CCDC85C: variants seen among roughly 807,000 people sequenced by gnomAD.
CCDC85C encodes coiled-coil domain-containing protein 85C.
Under a neutral mutation model 38.3 loss-of-function variants are expected in CCDC85C, and 18 were observed. The ratio of observed to expected loss-of-function variants is 0.47; its 90% CI spans 0.33 to 0.70. The LOEUF (loss-of-function observed/expected upper bound fraction) is 0.70. Ranked by LOEUF, CCDC85C falls within the 30% of genes least tolerant of loss-of-function variation. CCDC85C has a pLI of 0.03. For synonymous variants in CCDC85C, 264 were observed against 293.8 expected (o/e 0.90, Z 1.04); for missense variants, 566 against 621.2 (o/e 0.91, Z 0.94).
intron 2 of CCDC85C, among the ~76,000 whole-genome samples, chr14:99,525,020 C>A (rs1897356851): frequency 6.6e-6 from 1 of 152,208 alleles, no homozygotes; most frequent in South Asian, 2.1e-4. Flanking sequence ...TCCACCCTGG[C>A]CAGGCCCAAT....
chr14:99,532,948 A>G (rs1486592221), intron 2 of CCDC85C, among the ~76,000 whole-genome samples: 4 of 151,778 alleles, frequency 2.6e-5, no homozygotes, highest in Non-Finnish European at 5.9e-5. Context: ...TGCAAGGCTA[A>G]TTTTTGTATT....
At chr14:99,571,978 C>T (rs564642107) in intron 1 of CCDC85C, among the ~76,000 whole-genome samples, 12 of 152,202 alleles carry the variant, frequency 7.9e-5, no homozygotes, top group Non-Finnish European at 1.2e-4. Flanking sequence ...CTGGAGGGGA[C>T]AAGGAGTGAG....
intron 5 of CCDC85C, 22 bp from the exon 6 acceptor site, chr14:99,515,357 G>A (rs963329700): frequency 6.5e-7 from 1 of 1,537,442 alleles, no homozygotes; most frequent in South Asian, 1.2e-5. Flanking sequence ...AGAGAGATGT[G>A]AGTGGTGGGA....
At chr14:99,524,455 G>A (rs910013831) in intron 2 of CCDC85C, among the ~76,000 whole-genome samples, 3 of 152,186 alleles carry the variant, frequency 2.0e-5, no homozygotes. Flanking sequence ...TTCCCTGGGA[G>A]GAGATGTGTG....
At position 99,548,657 on chromosome 14, in the gene CCDC85C, A is replaced by C. The variant is rs932480721; in HGVS notation, c.794-12569T>G. Among the ~76,000 whole-genome samples the C allele has an allele frequency of 1.5e-4, 23 of 152,134 alleles. No individual in the cohort carries two copies. Among genetic ancestry groups the C allele is most frequent in the Admixed American group, 3.3e-4 (5 of 15,264 alleles). On this transcript the variant is annotated intron_variant, in intron 1 of 5. Coordinates refer to ENST00000380243, the MANE Select transcript of CCDC85C (RefSeq NM_001144995.2). The surrounding 1 kb of genome is among the most constrained non-coding windows in gnomAD (Gnocchi z 4.9). ...CAACAATGAAATACTGTAGCGAGAT[A>C]AAAATGAACAAACAAGAGCCAGGCA...
At chr14:99,528,369 C>T (rs962074324) in intron 2 of CCDC85C, among the ~76,000 whole-genome samples, 2 of 152,210 alleles carry the variant, frequency 1.3e-5, no homozygotes, top group Admixed American at 6.5e-5. Context: ...TCAGCTGAGC[C>T]GGAGTGGTTT....
Position 99,572,874 on chromosome 14 carries a change from T to A in CCDC85C, c.793+30293A>T. The A allele has an allele frequency of 1.1e-5, 5 of 454,624 alleles. No homozygotes were observed. Among genetic ancestry groups the A allele is most frequent in the South Asian group, 7.8e-5 (5 of 64,460 alleles). The allele number at this position is 454,624 out of a possible 1,614,324, so 28.2% of individuals were successfully genotyped here. ...GCTCAGTAAACGGCTAAGGAAGGAA[T>A]GTCTGCCCAAGTCCCAGGCAGGGTG... is the stretch of plus-strand genomic sequence containing the variant. On this transcript the variant is annotated intron_variant, in intron 1 of 5. Coordinates refer to ENST00000380243, the MANE Select transcript of CCDC85C (RefSeq NM_001144995.2). The surrounding 1 kb of genome is among the most constrained non-coding windows in gnomAD (Gnocchi z 4.4).
chr14:99,538,418 A>G (rs550221821), intron 1 of CCDC85C, among the ~76,000 whole-genome samples: 1 of 152,336 alleles, frequency 6.6e-6, no homozygotes, highest in East Asian at 1.9e-4. Context: ...CAGCACGGCC[A>G]CAGGGCCCCT....
At chr14:99,596,134 A>G (rs2055140918) in intron 1 of CCDC85C, among the ~76,000 whole-genome samples, 1 of 152,208 alleles carries the variant, frequency 6.6e-6, no homozygotes, top group African/African-American at 2.4e-5. Context: ...AAGTTTGCTC[A>G]GGGGTTTCCG....
chr14:99,575,223 G>A (rs970042162), intron 1 of CCDC85C, among the ~76,000 whole-genome samples: 12 of 152,200 alleles, frequency 7.9e-5, no homozygotes, highest in Non-Finnish European at 1.6e-4. Context: ...CTCAGCCAGC[G>A]CAGGGCATTA....
At chr14:99,579,590 GC>G (rs1253083713) in intron 1 of CCDC85C, among the ~76,000 whole-genome samples, 1 of 152,250 alleles carries the variant, frequency 6.6e-6, no homozygotes, top group Non-Finnish European at 1.5e-5. Context: ...CCAGGGCGCA[GC>G]CCCAGACAGC....
chr14:99,603,936 C>G lies in CCDC85C; in HGVS notation c.24G>C (p.Ala8=). 3 of 1,410,254 alleles carry G rather than the reference C, an allele frequency of 2.1e-6. No individual in the cohort carries two copies. Among genetic ancestry groups the G allele is most frequent in the Non-Finnish European group, 2.8e-6 (3 of 1,087,610 alleles). The allele number at this position is 1,410,254 out of a possible 1,614,324, so 87.4% of individuals were successfully genotyped here. Residue 8 remains alanine, a synonymous_variant, in exon 1 of 6, where the codon GCG becomes GCC. Transcript: ENST00000380243. This position sits in a 1 kb window ranked among gnomAD's most constrained non-coding sequence, Gnocchi z 7.5. The stretch of plus-strand genomic sequence containing the variant: ...GGCTCAGCTCCTCCGACGCCGCCGC[C>G]GCCGTCGCCGCGGGCTTAGCCATGG... MAKPAAT[A]AAASEELSQV... is the part of the protein sequence containing the mutation.
chr14:99,584,593 A>C (rs529888819), intron 1 of CCDC85C, among the ~76,000 whole-genome samples: 2 of 152,340 alleles, frequency 1.3e-5, no homozygotes, highest in East Asian at 3.9e-4. Flanking sequence ...AGCTCCTCTC[A>C]GGGGAATCTC....
At chr14:99,566,651 G>A (rs1008279559) in intron 1 of CCDC85C, among the ~76,000 whole-genome samples, 5 of 152,168 alleles carry the variant, frequency 3.3e-5, no homozygotes, top group African/African-American at 1.2e-4. Context: ...ATCAGTGTCT[G>A]GGCAGGCGCC....
At chr14:99,517,042 C>G (rs548752758) in intron 4 of CCDC85C, 46 bp downstream of exon 4, 1 of 1,505,604 alleles carries the variant, frequency 6.6e-7, no homozygotes, top group African/African-American at 1.4e-5. Context: ...TCTCACAGTG[C>G]ACCCAGCATC....
At position 99,572,950 on chromosome 14, in the gene CCDC85C, C is replaced by G; in HGVS notation, c.793+30217G>C. On this transcript the variant is annotated intron_variant, in intron 1 of 5. Transcript: ENST00000380243. The surrounding 1 kb of genome is among the most constrained non-coding windows in gnomAD (Gnocchi z 4.4). ...TTCTCTTAGCTCTGAGCCCTGCCTTCGCCTCCTACAAGATAGGATGGCAGC... is the reference window on the plus strand; with the variant it reads ...TTCTCTTAGCTCTGAGCCCTGCCTTGGCCTCCTACAAGATAGGATGGCAGC... 1 of 400,228 alleles carries G rather than the reference C, an allele frequency of 2.5e-6. No homozygotes were observed. The highest frequency in any genetic ancestry group is 5.0e-6 in the Non-Finnish European group (1 of 199,728). 24.8% of individuals were successfully genotyped at this position (400,228 alleles called of 1,614,324 possible). A position where few individuals can be genotyped will look rare whatever the true frequency, so the allele number is the denominator to read the frequency against.
At chr14:99,540,734 G>A (rs866192370) in intron 1 of CCDC85C, among the ~76,000 whole-genome samples, 11 of 152,166 alleles carry the variant, frequency 7.2e-5, no homozygotes, top group African/African-American at 1.2e-4. Context: ...TCCCTACAAC[G>A]TTCTTGTGTC....
rs1187747318 is a variant in CCDC85C, at chr14:99,500,994, A to G, written c.*14252T>C. ...GTTTGATGTGTGAAATACCAAGGGC[A>G]TGGCTTGCTCAGTCAATTCAGCATT... On this transcript the variant is annotated 3_prime_UTR_variant, in exon 6 of 6. Coordinates refer to ENST00000380243, the MANE Select transcript of CCDC85C (RefSeq NM_001144995.2). 13 of 679,686 alleles carry G rather than the reference A, an allele frequency of 1.9e-5. No individual in the cohort carries two copies. Among genetic ancestry groups the G allele is most frequent in the African/African-American group, 5.5e-5 (3 of 54,406 alleles). The allele number at this position is 679,686 out of a possible 1,614,324, so 42.1% of individuals were successfully genotyped here. A position where few individuals can be genotyped will look rare whatever the true frequency, so the allele number is the denominator to read the frequency against.
At chr14:99,589,895 C>T (rs544421844) in intron 1 of CCDC85C, among the ~76,000 whole-genome samples, 3 of 152,362 alleles carry the variant, frequency 2.0e-5, no homozygotes, top group East Asian at 3.9e-4. Flanking sequence ...CCCCCTCCAC[C>T]GCAGCCACGC....
Sources: allele counts gnomAD v4.1 joint callset (sites outside exome capture counted in the v4.1 genomes callset), GRCh38; gene constraint gnomAD v4.1.1; non-coding constraint Gnocchi (gnomAD v3.1); transcripts MANE v1.5; gene names NCBI Gene and HGNC (gene_info 2026-07-23, HGNC 2026-07-21).